The following DPYSL2 variants were observed in gnomAD, a reference collection of about 807,000 sequenced individuals.
DPYSL2 encodes dihydropyrimidinase like 2.
In DPYSL2, 13 loss-of-function variants were observed where a neutral mutation model predicts 69.9. The ratio of observed to expected loss-of-function variants is 0.19; its 90% CI spans 0.12 to 0.30. DPYSL2 has a LOEUF of 0.30. Among genes scored for constraint, DPYSL2 ranks in the 10% least tolerant of loss-of-function variants. The pLI is 1.00. For synonymous variants in DPYSL2, 326 were observed against 359.1 expected (o/e 0.91, Z 1.04); for missense variants, 587 against 918.9 (o/e 0.64, Z 4.67).
Position 26,514,127 on chromosome 8 carries a change from G to C in DPYSL2, c.-199G>C. Reference sequence around the variant, plus strand: ...AGCCGCGGGGGGCGTGGGCAGGGAGGGGAGAAGCGGGGTCAGGGGGAGGGA... The same window carrying C: ...AGCCGCGGGGGGCGTGGGCAGGGAGCGGAGAAGCGGGGTCAGGGGGAGGGA... On this transcript the variant is annotated 5_prime_UTR_variant, in exon 1 of 14. Transcript: ENST00000521913. The surrounding 1 kb of genome is among the most constrained non-coding windows in gnomAD (Gnocchi z 8.4). 1 of 413,178 alleles carries C rather than the reference G, an allele frequency of 2.4e-6. No individual in the cohort carries two copies. The highest frequency in any genetic ancestry group is 4.2e-6 in the Non-Finnish European group (1 of 239,326). The allele number at this position is 413,178 out of a possible 1,614,324, so 25.6% of individuals were successfully genotyped here. A position where few individuals can be genotyped will look rare whatever the true frequency, so the allele number is the denominator to read the frequency against.
At position 26,603,333 on chromosome 8, in the gene DPYSL2, C is replaced by T. The variant is rs201170256; in HGVS notation, c.628+19350C>T. On this transcript the variant is annotated intron_variant, in intron 3 of 13. Coordinates refer to ENST00000521913, the MANE Select transcript of DPYSL2 (RefSeq NM_001197293.3). ...GACTACAGGTGTCCACCACCACACCCGGCTAATTTTTGTATTTTTAGTAGA... is the reference window on the plus strand; with the variant it reads ...GACTACAGGTGTCCACCACCACACCTGGCTAATTTTTGTATTTTTAGTAGA... Among the ~76,000 whole-genome samples the T allele has an allele frequency of 7.6e-4, 115 of 152,052 alleles. 1 individual carries two copies. In the East Asian group the frequency reaches 0.02, roughly 26 times the overall value.
rs1199149048 is a variant in DPYSL2, at chr8:26,526,340, AC to A, written c.354+11663del. On this transcript the variant is annotated intron_variant, in intron 1 of 13. Coordinates refer to ENST00000521913, the MANE Select transcript of DPYSL2 (RefSeq NM_001197293.3). ...CATTTCCTGACCTCGTTATCCACCC[AC>A]CTTGGCCTCCCAAAGTGCTGGGATT... Among the ~76,000 whole-genome samples the A allele has an allele frequency of 2.6e-5, 4 of 152,126 alleles. No individual in the cohort carries two copies. The East Asian group carries it at 7.7e-4, about 29-fold the overall frequency.
chr8:26,622,857 G>T (rs1208881983), intron 3 of DPYSL2, among the ~76,000 whole-genome samples: 1 of 152,164 alleles, frequency 6.6e-6, no homozygotes, highest in Non-Finnish European at 1.5e-5. Context: ...TCAGAAATCT[G>T]AGCTCTCTAG....
In DPYSL2 at chr8:26,643,201, GGT is replaced by G; in HGVS notation, c.1127-233_1127-232del. ...AGGATGTCTGGGATCCTATAGGGAG[GGT>G]GTGTTGTTTGAAGAGCAGGGGCTGA... On this transcript the variant is annotated intron_variant, in intron 8 of 13. Transcript: ENST00000521913. The surrounding 1 kb of genome is among the most constrained non-coding windows in gnomAD (Gnocchi z 6.5). 2.2e-6 allele frequency: 1 copy of G among 462,584 alleles called. No homozygotes were observed. The highest frequency in any genetic ancestry group is 3.8e-6 in the Non-Finnish European group (1 of 264,558). 28.7% of individuals were successfully genotyped at this position (462,584 alleles called of 1,614,324 possible).
At chr8:26,526,256 G>A (rs1458663086) in intron 1 of DPYSL2, among the ~76,000 whole-genome samples, 1 of 151,994 alleles carries the variant, frequency 6.6e-6, no homozygotes, top group Non-Finnish European at 1.5e-5. Flanking sequence ...CACCATGCCC[G>A]GCTACTTTTT....
chr8:26,632,269 G>A (rs1802794413), intron 7 of DPYSL2, among the ~76,000 whole-genome samples: 2 of 152,156 alleles, frequency 1.3e-5, no homozygotes, highest in African/African-American at 4.8e-5. Flanking sequence ...GGCATTGTGG[G>A]GATGCAAAAC....
At chr8:26,625,869 T>C (rs747704102) in intron 4 of DPYSL2, among the ~76,000 whole-genome samples, 1 of 152,170 alleles carries the variant, frequency 6.6e-6, no homozygotes, top group East Asian at 1.9e-4. Context: ...TTTAAGTGTG[T>C]GTGCAGTTCA....
At position 26,652,155 on chromosome 8, in the gene DPYSL2, GTC is replaced by G; in HGVS notation, c.1597-96_1597-95del. Reference sequence around the variant, plus strand: ...GTTGGGACAGGATCCCTGTCTCTGAGTCTCTCTTTTGTCTCTGTGGGGTTGGG... The same window carrying G: ...GTTGGGACAGGATCCCTGTCTCTGAGTCTCTTTTGTCTCTGTGGGGTTGGG... On this transcript the variant is annotated intron_variant, in intron 11 of 13. Transcript: ENST00000521913. This position sits in a 1 kb window ranked among gnomAD's most constrained non-coding sequence, Gnocchi z 6.3. 1 of 1,158,884 alleles carries G rather than the reference GTC, an allele frequency of 8.6e-7. No individual in the cohort carries two copies. The highest frequency in any genetic ancestry group is 1.9e-5 in the South Asian group (1 of 53,162). 71.8% of individuals were successfully genotyped at this position (1,158,884 alleles called of 1,614,324 possible).
chr8:26,655,794 T>TC lies in DPYSL2; in HGVS notation c.*88_*89insC. On this transcript the variant is annotated 3_prime_UTR_variant, in exon 14 of 14. Transcript: ENST00000521913. Reference sequence around the variant, plus strand: ...TTCTTTCTTCCTTCCTTTTTTTTTTTTTGTTTTTTTTTTTAAGAGCCTGTG... The same window carrying TC: ...TTCTTTCTTCCTTCCTTTTTTTTTTTCTTGTTTTTTTTTTTAAGAGCCTGTG... The TC allele has an allele frequency of 7.9e-7, 1 of 1,271,778 alleles. No individual in the cohort carries two copies. Among genetic ancestry groups the TC allele is most frequent in the South Asian group, 1.7e-5 (1 of 57,722 alleles). 78.8% of individuals were successfully genotyped at this position (1,271,778 alleles called of 1,614,324 possible).
intron 1 of DPYSL2, chr8:26,578,391 C>A (rs1801408420): frequency 6.3e-7 from 1 of 1,582,128 alleles, no homozygotes; most frequent in South Asian, 1.2e-5. Flanking sequence ...GGAGAGGGAC[C>A]GAACTTTTTT....
chr8:26,626,527 A>T lies in DPYSL2; in HGVS notation c.794-90A>T. ...CACACACACACACACACACACGTAC[A>T]CACACAGACAGTATTATCACTTTCT... On this transcript the variant is annotated intron_variant, in intron 4 of 13. Transcript: ENST00000521913. The surrounding 1 kb of genome is among the most constrained non-coding windows in gnomAD (Gnocchi z 4.3). 1 of 1,128,526 alleles carries T rather than the reference A, an allele frequency of 8.9e-7. No individual in the cohort carries two copies. Among genetic ancestry groups the T allele is most frequent in the Non-Finnish European group, 1.3e-6 (1 of 754,000 alleles). The allele number at this position is 1,128,526 out of a possible 1,614,324, so 69.9% of individuals were successfully genotyped here.
chr8:26,593,641 G>C lies in DPYSL2; in HGVS notation c.628+9658G>C, dbSNP rs1472811970. ...TTCAGTTGCTGTCCTTGGTGTTCGGGAAGGTTTTACTTGGCTAATTCCCTA... is the reference window on the plus strand; with the variant it reads ...TTCAGTTGCTGTCCTTGGTGTTCGGCAAGGTTTTACTTGGCTAATTCCCTA... On this transcript the variant is annotated intron_variant, in intron 3 of 13. Transcript: ENST00000521913. This position sits in a 1 kb window ranked among gnomAD's most constrained non-coding sequence, Gnocchi z 5.7. Among the ~76,000 whole-genome samples the C allele has an allele frequency of 6.6e-6, 1 of 152,186 alleles. No homozygotes were observed. The highest frequency in any genetic ancestry group is 2.4e-5 in the African/African-American group (1 of 41,436).
chr8:26,523,656 T>C (rs186252448), intron 1 of DPYSL2, among the ~76,000 whole-genome samples: 1 of 146,158 alleles, frequency 6.8e-6, no homozygotes, highest in Admixed American at 6.7e-5. Flanking sequence ...ATTTCCTTAC[T>C]TTTTTTTTCT....
rs1426921269 is a variant in DPYSL2 at position 26,619,272 on chromosome 8, A to C, written c.629-4871A>C. Among the ~76,000 whole-genome samples the C allele has an allele frequency of 6.6e-6, 1 of 152,072 alleles. No homozygotes were observed. The highest frequency in any genetic ancestry group is 2.4e-5 in the African/African-American group (1 of 41,394). On this transcript the variant is annotated intron_variant, in intron 3 of 13. Coordinates refer to ENST00000521913, the MANE Select transcript of DPYSL2 (RefSeq NM_001197293.3). The surrounding 1 kb of genome is among the most constrained non-coding windows in gnomAD (Gnocchi z 4.8). ...CCCTTGGAGCAGCTCTTCCCAGGAG[A>C]GCTTCAGTGGAAAGAAAACTGTGGG...
At chr8:26,527,970 T>A (rs1808509171) in intron 1 of DPYSL2, among the ~76,000 whole-genome samples, 1 of 152,026 alleles carries the variant, frequency 6.6e-6, no homozygotes, top group Non-Finnish European at 1.5e-5. Context: ...ACAGAGCTAA[T>A]TTTTGTATTT....
In DPYSL2 at chr8:26,533,069, A is replaced by T. The variant is rs1260209688; in HGVS notation, c.354+18390A>T. Reference sequence around the variant, plus strand: ...ATTGTCTGTCTTTTTGATTCCAGCCATCCTACTGGGTATGAGTCAGTATCT... The same window carrying T: ...ATTGTCTGTCTTTTTGATTCCAGCCTTCCTACTGGGTATGAGTCAGTATCT... On this transcript the variant is annotated intron_variant, in intron 1 of 13. Transcript: ENST00000521913. The surrounding 1 kb of genome is among the most constrained non-coding windows in gnomAD (Gnocchi z 4.8). Among the ~76,000 whole-genome samples, 1 of 152,128 alleles carries T rather than the reference A, an allele frequency of 6.6e-6. No homozygotes were observed. Among genetic ancestry groups the T allele is most frequent in the Non-Finnish European group, 1.5e-5 (1 of 68,026 alleles).
intron 3 of DPYSL2, among the ~76,000 whole-genome samples, chr8:26,584,919 G>A (rs1046384431): frequency 1.3e-5 from 2 of 152,062 alleles, no homozygotes; most frequent in South Asian, 2.1e-4. Flanking sequence ...GTGCCTGGCC[G>A]CTTTGTGCTT....
chr8:26,584,010 A>C (rs1276131072), intron 3 of DPYSL2, 27 bp downstream of exon 3: 1 of 1,603,238 alleles, frequency 6.2e-7, no homozygotes, highest in East Asian at 2.2e-5. Flanking sequence ...TCATCATTGT[A>C]GTGCTTAGGA....
At chr8:26,630,258 G>T (rs1037559071) in intron 7 of DPYSL2, among the ~76,000 whole-genome samples, 1 of 152,206 alleles carries the variant, frequency 6.6e-6, no homozygotes, top group African/African-American at 2.4e-5. Context: ...TTCTCCCTCT[G>T]GGCCGGCTTC....
Sources: gnomAD v4.1 joint callset for allele counts (sites outside exome capture counted in the v4.1 genomes callset) on GRCh38, gnomAD v4.1.1 for gene constraint, Gnocchi (gnomAD v3.1) non-coding constraint, MANE v1.5 for transcripts, NCBI Gene and HGNC (gene_info 2026-07-23, HGNC 2026-07-21) for gene names.